Variants in FMN2 observed in about 807,000 individuals in gnomAD.
FMN2 encodes the protein formin-2.
FMN2 carries 51 observed loss-of-function variants against 142.3 expected under a neutral mutation model. The ratio of observed to expected loss-of-function variants is 0.36; its 90% confidence interval spans 0.29 to 0.45. FMN2 has a LOEUF of 0.45. Among genes scored for constraint, FMN2 ranks in the 20% least tolerant of loss-of-function variants. The pLI is 1.00. For missense variants in FMN2, 1,936 were observed against 2,122.8 expected (o/e 0.91, Z 1.73); for synonymous variants, 882 against 869.8 (o/e 1.01, Z -0.25).
chr1:240,392,545 G>A lies in FMN2; in HGVS notation c.4893G>A (p.Leu1631=), dbSNP rs1488688827. The change falls in exon 15 of 18, where the codon CTG becomes CTA. Residue 1631 remains leucine (L), a synonymous_variant. Coordinates refer to ENST00000319653, the MANE Select transcript of FMN2 (RefSeq NM_020066.5). The part of the protein sequence containing the change: ...KIDQEAEENS[L]TETHKCFLET... The stretch of plus-strand genomic sequence containing the variant: ...ACCAAGAGGCAGAGGAAAATTCACT[G>A]ACAGAGACTCATAAATGGTGAGAAA... 5 of 1,608,430 alleles carry A rather than the reference G, an allele frequency of 3.1e-6. No individual in the cohort carries two copies. Among genetic ancestry groups the A allele is most frequent in the Admixed American group, 1.7e-5 (1 of 59,170 alleles).
intron 7 of FMN2, among the ~76,000 whole-genome samples, chr1:240,286,226 A>C (rs564349786): frequency 6.6e-6 from 1 of 152,124 alleles, no homozygotes; most frequent in Non-Finnish European, 1.5e-5. Context: ...GGAGGTATGG[A>C]GGCTTTTGTA....
At chr1:240,434,555 G>GTTTTTTTTTTTTTTTTTTTTTTTTTTT (rs57596533) in intron 15 of FMN2, among the ~76,000 whole-genome samples, 1 of 148,178 alleles carries the variant, frequency 6.7e-6, no homozygotes, top group Non-Finnish European at 1.5e-5. Flanking sequence ...TTTGTTTTTT[G>GTTTTTTTTTTTTTTTTTTTTTTTTTTT]TTTTTTTTTG....
Position 240,093,740 on chromosome 1 carries a change from T to C in FMN2, c.1615+16T>C. 2.3e-6 allele frequency: 3 copies of C among 1,305,640 alleles called. No individual in the cohort carries two copies. Among genetic ancestry groups the C allele is most frequent in the Non-Finnish European group, 2.9e-6 (3 of 1,031,428 alleles). 80.9% of individuals were successfully genotyped at this position (1,305,640 alleles called of 1,614,324 possible). A position where few individuals can be genotyped will look rare whatever the true frequency, so the allele number is the denominator to read the frequency against. On this transcript the variant is annotated intron_variant, in intron 1 of 17. Transcript: ENST00000319653. ...GTGTTCACAGGTGAGCGCGCCCTGC[T>C]GCTGGCCTCCGGGTCTCAAGTCGCC...
chr1:240,452,136 A>ACCT (rs1676076211), intron 16 of FMN2, among the ~76,000 whole-genome samples: 1 of 151,890 alleles, frequency 6.6e-6, no homozygotes, highest in Non-Finnish European at 1.5e-5. Flanking sequence ...GGTTGCAGTG[A>ACCT]GCCGAGATCA....
chr1:240,330,742 A>G lies in FMN2; in HGVS notation c.4577A>G (p.Lys1526Arg). Reference sequence around the variant, plus strand: ...ATTCTTCCAAAACTGAAAGATGTCAAGAGCAGTGTAAGTATTTTGCATGAG... The same window carrying G: ...ATTCTTCCAAAACTGAAAGATGTCAGGAGCAGTGTAAGTATTTTGCATGAG... Reference protein sequence around the residue: ...LDILPKLKDVKSSDNSRSLLS... With the variant: ...LDILPKLKDVRSSDNSRSLLS... Residue 1526 changes from lysine (K) to arginine (R), a missense_variant, in exon 11 of 18, where the codon AAG (lysine) becomes AGG (arginine). Physicochemically the swap from Lys to Arg is conservative, Grantham distance 26. Coordinates refer to ENST00000319653, the MANE Select transcript of FMN2 (RefSeq NM_020066.5). The G allele has an allele frequency of 6.2e-7, 1 of 1,613,858 alleles. No individual in the cohort carries two copies. The highest frequency in any genetic ancestry group is 8.5e-7 in the Non-Finnish European group (1 of 1,179,838).
rs12075265 is a variant in FMN2, at chr1:240,326,096, C to A, written c.4216-2980C>A. ...CAGTCCATAAATAGCAAGAATTGACCGTGTGTGTGTACACATGTATGTATA... is the reference window on the plus strand; with the variant it reads ...CAGTCCATAAATAGCAAGAATTGACAGTGTGTGTGTACACATGTATGTATA... On this transcript the variant is annotated intron_variant, in intron 8 of 17. Transcript: ENST00000319653. Among the ~76,000 whole-genome samples the A allele has an allele frequency of 5.4e-3, 824 of 151,984 alleles. 9 individuals are homozygous for A. Among genetic ancestry groups the A allele is most frequent in the African/African-American group, 0.019 (773 of 41,460 alleles).
intron 13 of FMN2, among the ~76,000 whole-genome samples, chr1:240,351,857 A>G (rs1426570959): frequency 1.3e-5 from 2 of 152,074 alleles, no homozygotes; most frequent in Admixed American, 6.5e-5. Flanking sequence ...ACCCCAAGAC[A>G]CTGTATGATG....
chr1:240,245,481 AG>A, intron 6 of FMN2: 1 of 469,264 alleles, frequency 2.1e-6, no homozygotes, highest in Admixed American at 2.4e-5. Flanking sequence ...AGTTAGTCAA[AG>A]GTTCCCGTCC....
intron 15 of FMN2, among the ~76,000 whole-genome samples, chr1:240,425,204 T>TGAGA (rs142399934): frequency 0.028 from 3,826 of 134,842 alleles, 83 homozygotes; most frequent in East Asian, 0.042. Flanking sequence ...TTGAATGAGG[T>TGAGA]GAGAGAGAGA....
chr1:240,202,941 A>G (rs112516813), intron 4 of FMN2, among the ~76,000 whole-genome samples: 2,390 of 152,238 alleles, frequency 0.016, 54 homozygotes, highest in African/African-American at 0.055. Flanking sequence ...TTATCAACTA[A>G]CCTTTTTATA....
intron 3 of FMN2, among the ~76,000 whole-genome samples, chr1:240,180,566 CTTT>C (rs58433196): frequency 7.9e-6 from 1 of 126,194 alleles, no homozygotes; most frequent in Non-Finnish European, 1.6e-5. Flanking sequence ...CACATGACCC[CTTT>C]TTTTTTTTTT....
intron 4 of FMN2, among the ~76,000 whole-genome samples, chr1:240,196,581 G>A (rs536788467): frequency 3.3e-5 from 5 of 152,036 alleles, no homozygotes; most frequent in Admixed American, 3.3e-4. Flanking sequence ...GCATGATCTC[G>A]GCTCACTGCA....
chr1:240,211,056 G>T, intron 5 of FMN2, 35 bp from the exon 6 acceptor site: 1 of 1,576,384 alleles, frequency 6.3e-7, no homozygotes, highest in South Asian at 1.2e-5. Flanking sequence ...AGTTCAGTTT[G>T]ATGGCTGTTT....
chr1:240,092,034 G>T lies in FMN2; in HGVS notation c.-76G>T, dbSNP rs1284282020. The T allele has an allele frequency of 1.3e-6, 2 of 1,482,700 alleles. No individual in the cohort carries two copies. The highest frequency in any genetic ancestry group is 1.8e-6 in the Non-Finnish European group (2 of 1,122,020). 91.8% of individuals were successfully genotyped at this position (1,482,700 alleles called of 1,614,324 possible). On this transcript the variant is annotated 5_prime_UTR_variant, in exon 1 of 18. Coordinates refer to ENST00000319653, the MANE Select transcript of FMN2 (RefSeq NM_020066.5). ...CTGACTCTCCCGGGAGACTCCCTAG[G>T]CCCGGACCTGGGGCCGAGGAGGGCC...
chr1:240,376,673 G>T (rs761875411), intron 14 of FMN2, among the ~76,000 whole-genome samples: 2 of 152,084 alleles, frequency 1.3e-5, no homozygotes, highest in Non-Finnish European at 2.9e-5. Context: ...ATGAGGATGT[G>T]TGTAGGTTAT....
At chr1:240,270,656 A>G (rs535246921) in intron 7 of FMN2, among the ~76,000 whole-genome samples, 12 of 152,224 alleles carry the variant, frequency 7.9e-5, no homozygotes, top group African/African-American at 2.9e-4. Context: ...ATGAAATACA[A>G]TTAAAAAACT....
At chr1:240,252,953 CTTT>C (rs59902639) in intron 6 of FMN2, among the ~76,000 whole-genome samples, 5 of 65,346 alleles carry the variant, frequency 7.7e-5, no homozygotes, top group Admixed American at 2.4e-4. Context: ...GTCTTGTTCA[CTTT>C]TTTTTTTTTT....
intron 3 of FMN2, among the ~76,000 whole-genome samples, chr1:240,184,969 T>C: frequency 6.7e-6 from 1 of 148,900 alleles, no homozygotes; most frequent in Non-Finnish European, 1.5e-5. Flanking sequence ...TTCTCCCTCC[T>C]ATACCTTCCC....
chr1:240,357,050 C>G (rs1672295801), intron 14 of FMN2, among the ~76,000 whole-genome samples: 1 of 152,092 alleles, frequency 6.6e-6, no homozygotes, highest in Admixed American at 6.5e-5. Context: ...ACATTGTAAA[C>G]TCATCCCACT....
Sources: gnomAD v4.1 joint callset for allele counts (sites outside exome capture counted in the v4.1 genomes callset) on GRCh38, gnomAD v4.1.1 for gene constraint, MANE v1.5 for transcripts, NCBI Gene and HGNC (gene_info 2026-07-23, HGNC 2026-07-21) for gene names.